The following TMPRSS11E variants were observed in gnomAD, a reference collection of about 807,000 sequenced individuals.
TMPRSS11E encodes the protein transmembrane serine protease 11E.
In TMPRSS11E, 38 loss-of-function variants were observed where a neutral mutation model predicts 48.1. The ratio of observed to expected loss-of-function variants is 0.79; its 90% CI spans 0.61 to 1.04. The LOEUF (loss-of-function observed/expected upper bound fraction) is 1.04. TMPRSS11E is among the 50% of genes least tolerant of loss of function. The probability of loss-of-function intolerance (pLI) is 0.00; values close to 1 mark genes in which losing one functional copy is unlikely to be tolerated. For missense variants in TMPRSS11E, 530 were observed against 510.8 expected, an observed-to-expected ratio of 1.04 and a Z score of -0.36; for synonymous variants, 158 against 171.9, an observed-to-expected ratio of 0.92 and a Z score of 0.63.
At chr4:68,487,372 C>T (rs1729586766) in intron 9 of TMPRSS11E, among the ~76,000 whole-genome samples, 1 of 151,972 alleles carries the variant, frequency 6.6e-6, no homozygotes, top group Non-Finnish European at 1.5e-5. Context: ...TCTGCCTTAG[C>T]CTCCTGAGTA....
chr4:68,457,294 A>G (rs188952886), intron 1 of TMPRSS11E, among the ~76,000 whole-genome samples: 64 of 152,360 alleles, frequency 4.2e-4, no homozygotes, highest in African/African-American at 1.4e-3. Flanking sequence ...AACATATGAA[A>G]AAAAGCTCAT....
chr4:68,480,164 T>C (rs2109704005), intron 9 of TMPRSS11E, among the ~76,000 whole-genome samples: 2 of 152,154 alleles, frequency 1.3e-5, no homozygotes, highest in South Asian at 4.1e-4. Context: ...TGTAGATTTA[T>C]ATCCTTTGTC....
intron 9 of TMPRSS11E, among the ~76,000 whole-genome samples, chr4:68,492,874 A>G (rs1169597085): frequency 1.3e-5 from 2 of 152,152 alleles, no homozygotes; most frequent in African/African-American, 2.4e-5. Flanking sequence ...TGTCTTCTTG[A>G]CGGTCATGGA....
At chr4:68,490,473 C>G (rs1289605203) in intron 9 of TMPRSS11E, among the ~76,000 whole-genome samples, 6 of 152,146 alleles carry the variant, frequency 3.9e-5, no homozygotes, top group Non-Finnish European at 8.8e-5. Flanking sequence ...GGAATTGCCT[C>G]ATTTCCCACT....
At chr4:68,457,470 A>G (rs1728665106) in intron 1 of TMPRSS11E, among the ~76,000 whole-genome samples, 1 of 152,176 alleles carries the variant, frequency 6.6e-6, no homozygotes, top group Admixed American at 6.5e-5. Context: ...TAGTTCAACC[A>G]TTGTGGAAGA....
chr4:68,475,169 C>T lies in TMPRSS11E; in HGVS notation c.529+408C>T, dbSNP rs150518653. The stretch of plus-strand genomic sequence containing the variant: ...AATCTTCTTGATGTTATTAATCCTA[C>T]GGATTAATACGAAAGTGCAGGAAAT... On this transcript the variant is annotated intron_variant, in intron 6 of 9. Coordinates refer to ENST00000305363, the MANE Select transcript of TMPRSS11E (RefSeq NM_014058.4). Among the ~76,000 whole-genome samples, 164 of 152,100 alleles carry T rather than the reference C, an allele frequency of 1.1e-3. 1 individual carries two copies. Among genetic ancestry groups the T allele is most frequent in the African/African-American group, 3.5e-3 (145 of 41,492 alleles).
intron 3 of TMPRSS11E, among the ~76,000 whole-genome samples, chr4:68,467,190 T>C (rs1728950648): frequency 6.6e-6 from 1 of 152,162 alleles, no homozygotes; most frequent in Admixed American, 6.6e-5. Flanking sequence ...AACCAGCTTT[T>C]GGTATATAAA....
chr4:68,459,768 A>T (rs1007810402), intron 1 of TMPRSS11E, among the ~76,000 whole-genome samples: 2 of 152,060 alleles, frequency 1.3e-5, no homozygotes, highest in African/African-American at 4.8e-5. Context: ...GCACACATTC[A>T]TTTTCTTCAT....
intron 2 of TMPRSS11E, among the ~76,000 whole-genome samples, chr4:68,463,645 A>T (rs1389342914): frequency 1.3e-5 from 2 of 152,196 alleles, no homozygotes; most frequent in African/African-American, 2.4e-5. Flanking sequence ...GAATAACTTT[A>T]TAGTTCTACA....
rs537088085 is a variant in TMPRSS11E, at chr4:68,464,043, T to C, written c.136+2098T>C. 5.3e-5 allele frequency among the ~76,000 whole-genome samples: 8 copies of C among 152,318 alleles called. 1 individual carries two copies. Among genetic ancestry groups the C allele is most frequent in the Non-Finnish European group, 4.4e-5 (3 of 68,016 alleles). ...ATTTTTTCAGTAACCTGTTCCTGAA[T>C]CCTGTTGTTTGGATGATCAACTGAG... On this transcript the variant is annotated intron_variant, in intron 2 of 9. Transcript: ENST00000305363.
chr4:68,485,239 C>T (rs1729520077), intron 9 of TMPRSS11E, among the ~76,000 whole-genome samples: 1 of 152,084 alleles, frequency 6.6e-6, no homozygotes, highest in South Asian at 2.1e-4. Flanking sequence ...CTCTGTCCCC[C>T]AGGTTCTAGT....
rs755115895 is a variant in TMPRSS11E, at chr4:68,468,864, T to C, written c.259-15T>C. 7.1e-6 allele frequency: 11 copies of C among 1,547,742 alleles called. No homozygotes were observed. The African/African-American group carries it at 1.4e-4, about 19-fold the overall frequency. The stretch of plus-strand genomic sequence containing the variant: ...GTTGTTCTTGCTGATATATTTTGAA[T>C]ATTTTTACAAACAGGTGAAAAATGC... On this transcript the variant is annotated splice_polypyrimidine_tract_variant and intron_variant, in intron 3 of 9. Coordinates refer to ENST00000305363, the MANE Select transcript of TMPRSS11E (RefSeq NM_014058.4).
At chr4:68,474,617 A>G in intron 5 of TMPRSS11E, 106 bp from the exon 6 acceptor site, 1 of 1,003,320 alleles carries the variant, frequency 1.0e-6, no homozygotes, top group Non-Finnish European at 1.5e-6. Flanking sequence ...TAATCTAGAG[A>G]TACTGTTTTA....
Position 68,478,857 on chromosome 4 carries a change from C to CA in TMPRSS11E, c.980dup (p.Asn327LysfsTer18), listed in dbSNP as rs964265640. Reference sequence around the variant, plus strand: ...ACTTTTTTTTCTTTTAGGTTACAGTCAAAATCATCTTCGACAAGCACAGGT... The same window carrying CA: ...ACTTTTTTTTCTTTTAGGTTACAGTCAAAAATCATCTTCGACAAGCACAGGT... On this transcript the variant is annotated frameshift_variant, in exon 9 of 10. Coordinates refer to ENST00000305363, the MANE Select transcript of TMPRSS11E (RefSeq NM_014058.4). LOFTEE classifies it high-confidence loss of function. 3.7e-6 allele frequency: 6 copies of CA among 1,613,236 alleles called. No homozygotes were observed. Among genetic ancestry groups the CA allele is most frequent in the East Asian group, 2.2e-5 (1 of 44,840 alleles).
Position 68,476,353 on chromosome 4 carries a change from A to G in TMPRSS11E, c.622A>G (p.Ser208Gly), listed in dbSNP as rs1358258707. Residue 208 changes from serine to glycine, a missense_variant, in exon 7 of 10, where the codon AGC becomes GGC. Transcript: ENST00000305363. The stretch of plus-strand genomic sequence containing the variant: ...AGAGGGTGAATGGCCCTGGCAGGCT[A>G]GCCTGCAGTGGGATGGGAGTCATCG... ...VEEGEWPWQA[S>G]LQWDGSHRCG... 1 of 1,614,058 alleles carries G rather than the reference A, an allele frequency of 6.2e-7. No individual in the cohort carries two copies. Among genetic ancestry groups the G allele is most frequent in the Non-Finnish European group, 8.5e-7 (1 of 1,179,998 alleles).
intron 1 of TMPRSS11E, among the ~76,000 whole-genome samples, chr4:68,454,525 T>C (rs1056626288): frequency 6.6e-6 from 1 of 151,986 alleles, no homozygotes; most frequent in Non-Finnish European, 1.5e-5. Context: ...TTCTTACATA[T>C]ATTTCAGGTC....
At chr4:68,478,803 A>AAGAC in intron 8 of TMPRSS11E, 46 bp from the exon 9 acceptor site, 1 of 1,592,698 alleles carries the variant, frequency 6.3e-7, no homozygotes, top group Non-Finnish European at 8.6e-7. Context: ...TCAAGTTTAT[A>AAGAC]AAATATATGT....
intron 5 of TMPRSS11E, among the ~76,000 whole-genome samples, chr4:68,472,643 T>A (rs1195340727): frequency 6.6e-6 from 1 of 152,008 alleles, no homozygotes; most frequent in Non-Finnish European, 1.5e-5. Context: ...TAATATCTGA[T>A]AGATCTAAGT....
At chr4:68,448,204 C>T (rs567342516) in intron 1 of TMPRSS11E, among the ~76,000 whole-genome samples, 1 of 151,952 alleles carries the variant, frequency 6.6e-6, no homozygotes, top group Admixed American at 6.6e-5. Context: ...AATTTATTTT[C>T]TCTGATTCTC....
Sources: allele counts gnomAD v4.1 joint callset (sites outside exome capture counted in the v4.1 genomes callset), GRCh38; gene constraint gnomAD v4.1.1; transcripts MANE v1.5; gene names NCBI Gene and HGNC (gene_info 2026-07-23, HGNC 2026-07-21).